Variants in PLEKHM3 observed in about 807,000 individuals in gnomAD.
PLEKHM3 encodes the protein pleckstrin homology domain-containing family M member 3.
Under a neutral mutation model 81.8 loss-of-function variants are expected in PLEKHM3, and 45 were observed. The observed-to-expected ratio is 0.55, with a 90% confidence interval of 0.43 to 0.71. The LOEUF (loss-of-function observed/expected upper bound fraction) is 0.71. PLEKHM3 is among the 30% of genes least tolerant of loss of function. PLEKHM3 has a pLI of 0.00. For missense variants in PLEKHM3, 788 were observed against 924.3 expected (o/e 0.85, Z 1.91); for synonymous variants, 352 against 356.4 (o/e 0.99, Z 0.14).
intron 2 of PLEKHM3, among the ~76,000 whole-genome samples, chr2:207,979,337 C>G (rs1317763967): frequency 6.6e-6 from 1 of 152,000 alleles, no homozygotes; most frequent in Non-Finnish European, 1.5e-5. Context: ...GAGTTCGAGA[C>G]CAGCCTGGCC....
rs2092225727 is a variant in PLEKHM3 at position 207,822,758 on chromosome 2, T to A, written c.*5561A>T. The A allele has an allele frequency of 6.6e-6, 1 of 152,142 alleles. No homozygotes were observed. Among genetic ancestry groups the A allele is most frequent in the African/African-American group, 2.4e-5 (1 of 41,366 alleles). 9.4% of individuals were successfully genotyped at this position (152,142 alleles called of 1,614,324 possible). Reference sequence around the variant, plus strand: ...AGCCAGCAGGGAAGAAGCAAAGGGATCCAGATTTAGTTGAAGGGTCCTGCA... The same window carrying A: ...AGCCAGCAGGGAAGAAGCAAAGGGAACCAGATTTAGTTGAAGGGTCCTGCA... On this transcript the variant is annotated 3_prime_UTR_variant, in exon 8 of 8. Transcript: ENST00000427836.
intron 1 of PLEKHM3, among the ~76,000 whole-genome samples, chr2:208,006,581 C>T (rs1220917085): frequency 3.3e-5 from 5 of 152,210 alleles, no homozygotes; most frequent in African/African-American, 1.2e-4. Flanking sequence ...TAGGTAGCTG[C>T]TCCAACATGC....
chr2:207,986,838 ATTTTTT>A (rs370986896), intron 2 of PLEKHM3, among the ~76,000 whole-genome samples: 2 of 126,300 alleles, frequency 1.6e-5, no homozygotes, highest in East Asian at 2.2e-4. Flanking sequence ...TGCCCAGCTA[ATTTTTT>A]TTTTTTTTTT....
At chr2:207,957,198 G>A (rs1417118993) in intron 3 of PLEKHM3, among the ~76,000 whole-genome samples, 1 of 152,196 alleles carries the variant, frequency 6.6e-6, no homozygotes, top group Non-Finnish European at 1.5e-5. Flanking sequence ...AAAAATTTGA[G>A]CTACCAGATC....
chr2:207,849,178 A>G (rs2092399303), intron 7 of PLEKHM3, among the ~76,000 whole-genome samples: 1 of 152,164 alleles, frequency 6.6e-6, no homozygotes, highest in South Asian at 2.1e-4. Context: ...TACTAAAAAT[A>G]CAAAAACTAG....
chr2:207,959,601 T>C (rs940796768), intron 3 of PLEKHM3, among the ~76,000 whole-genome samples: 1 of 152,208 alleles, frequency 6.6e-6, no homozygotes, highest in Non-Finnish European at 1.5e-5. Flanking sequence ...CCTGCTTCTC[T>C]TTCCTCATAT....
At chr2:208,009,211 CTT>C (rs1692606684) in intron 1 of PLEKHM3, among the ~76,000 whole-genome samples, 1 of 152,202 alleles carries the variant, frequency 6.6e-6, no homozygotes, top group African/African-American at 2.4e-5. Context: ...TTCACACACT[CTT>C]TACCTCCAAA....
intron 7 of PLEKHM3, among the ~76,000 whole-genome samples, chr2:207,833,285 A>G (rs1418037066): frequency 6.6e-6 from 1 of 152,218 alleles, no homozygotes; most frequent in Admixed American, 6.5e-5. Context: ...GTAATGAAAG[A>G]GAAATGTCCC....
chr2:207,847,842 T>G (rs2105894716), intron 7 of PLEKHM3, among the ~76,000 whole-genome samples: 1 of 152,212 alleles, frequency 6.6e-6, no homozygotes, highest in African/African-American at 2.4e-5. Context: ...AGAAAGGAAA[T>G]ATCATTAAAA....
chr2:207,986,838 A>ATTTTTTTTTTT (rs370986896), intron 2 of PLEKHM3, among the ~76,000 whole-genome samples: 1 of 126,300 alleles, frequency 7.9e-6, no homozygotes, highest in African/African-American at 3.2e-5. Context: ...TGCCCAGCTA[A>ATTTTTTTTTTT]TTTTTTTTTT....
intron 4 of PLEKHM3, among the ~76,000 whole-genome samples, chr2:207,934,224 C>T (rs2105946294): frequency 6.6e-6 from 1 of 152,256 alleles, no homozygotes; most frequent in African/African-American, 2.4e-5. Flanking sequence ...TATGTTCCAA[C>T]TAAGAGCTAA....
At chr2:207,861,392 T>A in intron 6 of PLEKHM3, 130 bp from the exon 7 acceptor site, 1 of 1,072,080 alleles carries the variant, frequency 9.3e-7, no homozygotes, top group East Asian at 2.6e-5. Context: ...TCAGCAACTC[T>A]GAGGAAGAAA....
intron 6 of PLEKHM3, among the ~76,000 whole-genome samples, chr2:207,863,073 A>G (rs551148105): frequency 1.1e-4 from 16 of 152,290 alleles, no homozygotes; most frequent in African/African-American, 3.8e-4. Context: ...GTACGGGGAG[A>G]AAGATCTCCT....
intron 1 of PLEKHM3, among the ~76,000 whole-genome samples, chr2:208,023,799 T>C (rs1350851955): frequency 6.6e-6 from 1 of 152,038 alleles, no homozygotes; most frequent in African/African-American, 2.4e-5. Context: ...CAAATCCCCA[T>C]TGCCTGCCTC....
chr2:207,913,980 C>T (rs373902315), intron 5 of PLEKHM3, among the ~76,000 whole-genome samples: 48 of 152,018 alleles, frequency 3.2e-4, no homozygotes, highest in East Asian at 2.7e-3. Flanking sequence ...TGCGCACACG[C>T]GCACACACAC....
chr2:208,025,117 T>C (rs937778778), intron 1 of PLEKHM3, among the ~76,000 whole-genome samples: 6 of 152,162 alleles, frequency 3.9e-5, no homozygotes, highest in Non-Finnish European at 8.8e-5. Context: ...AATAACGCAC[T>C]CAACAAGATC....
chr2:207,874,552 C>A (rs1321686318), intron 6 of PLEKHM3, among the ~76,000 whole-genome samples: 1 of 151,214 alleles, frequency 6.6e-6, no homozygotes, highest in Non-Finnish European at 1.5e-5. Context: ...CCAGCCTGGG[C>A]AACAAGAATG....
At chr2:208,004,501 A>G (rs1347139390) in intron 1 of PLEKHM3, among the ~76,000 whole-genome samples, 1 of 152,106 alleles carries the variant, frequency 6.6e-6, no homozygotes, top group Non-Finnish European at 1.5e-5. Context: ...AAAGCCATAG[A>G]CTGTTAGACA....
chr2:207,886,996 C>CA (rs997923843), intron 6 of PLEKHM3, among the ~76,000 whole-genome samples: 1 of 152,188 alleles, frequency 6.6e-6, no homozygotes, highest in African/African-American at 2.4e-5. Context: ...ACCCACTTCA[C>CA]AGGCTCATTG....
Sources: allele counts gnomAD v4.1 joint callset (sites outside exome capture counted in the v4.1 genomes callset), GRCh38; gene constraint gnomAD v4.1.1; transcripts MANE v1.5; gene names NCBI Gene and HGNC (gene_info 2026-07-23, HGNC 2026-07-21).